CDHR3: variants seen among roughly 807,000 people sequenced by gnomAD.
CDHR3 encodes cadherin related family member 3.
A neutral mutation model predicts 86.6 loss-of-function variants in CDHR3; 79 were observed. The ratio of observed to expected loss-of-function variants is 0.91; its 90% confidence interval spans 0.76 to 1.10. CDHR3 has a LOEUF of 1.10. CDHR3 is among the 50% of genes least tolerant of loss of function. The pLI is 0.00. For missense variants in CDHR3, 1,081 were observed against 1,077.6 expected, an observed-to-expected ratio of 1.00 and a Z score of -0.04; for synonymous variants, 421 against 402.4, an observed-to-expected ratio of 1.05 and a Z score of -0.55.
Position 106,030,732 on chromosome 7 carries a change from GC to G in CDHR3, c.2305-59del. ...GGAACTTGGGTTGTGAGGATGTGTA[GC>G]TTTGCCTGGGGGAAGGAATGTAGGA... On this transcript the variant is annotated intron_variant, in intron 17 of 18. Coordinates refer to ENST00000317716, the MANE Select transcript of CDHR3 (RefSeq NM_152750.5). This position sits in a 1 kb window ranked among gnomAD's most constrained non-coding sequence, Gnocchi z 4.8. 3 of 1,536,612 alleles carry G rather than the reference GC, an allele frequency of 2.0e-6. No homozygotes were observed. The South Asian group carries it at 3.5e-5, about 18-fold the overall frequency.
rs946565663 is a variant in CDHR3 at position 106,034,674 on chromosome 7, G to A, written c.*1977G>A. Among the ~76,000 whole-genome samples the A allele has an allele frequency of 2.6e-5, 4 of 152,214 alleles. No individual in the cohort carries two copies. Among genetic ancestry groups the A allele is most frequent in the Non-Finnish European group, 5.9e-5 (4 of 68,038 alleles). ...CCCATTTAAGGCATTGCAAATCTGT[G>A]GGGCCCGGAGTCAAATGCTTTCCTT... On this transcript the variant is annotated 3_prime_UTR_variant, in exon 19 of 19. Coordinates refer to ENST00000317716, the MANE Select transcript of CDHR3 (RefSeq NM_152750.5).
At chr7:105,973,939 A>G (rs1255432209) in intron 1 of CDHR3, among the ~76,000 whole-genome samples, 1 of 152,184 alleles carries the variant, frequency 6.6e-6, no homozygotes, top group African/African-American at 2.4e-5. Flanking sequence ...CCTGGGTGAC[A>G]GAGTAAGACT....
chr7:105,992,684 A>C (rs1831542635), intron 4 of CDHR3, among the ~76,000 whole-genome samples: 1 of 152,244 alleles, frequency 6.6e-6, no homozygotes, highest in African/African-American at 2.4e-5. Flanking sequence ...ATAAGACTTA[A>C]GAATAGGGGT....
At chr7:105,985,640 TAGA>T (rs1830414141) in intron 4 of CDHR3, among the ~76,000 whole-genome samples, 1 of 152,156 alleles carries the variant, frequency 6.6e-6, no homozygotes, top group Non-Finnish European at 1.5e-5. Context: ...CTGTTTTTAT[TAGA>T]AGATGATCCT....
intron 4 of CDHR3, among the ~76,000 whole-genome samples, chr7:105,992,445 C>T (rs1006112980): frequency 6.6e-6 from 1 of 152,154 alleles, no homozygotes; most frequent in East Asian, 1.9e-4. Flanking sequence ...GCTGTCAGGC[C>T]GTGAGCTGGA....
chr7:105,991,727 C>T (rs938151877), intron 4 of CDHR3, among the ~76,000 whole-genome samples: 10 of 152,142 alleles, frequency 6.6e-5, no homozygotes, highest in South Asian at 4.1e-4. Context: ...TATTTAACAT[C>T]GAACAAATAT....
At chr7:106,016,304 C>A (rs781516800) in intron 11 of CDHR3, among the ~76,000 whole-genome samples, 6 of 152,348 alleles carry the variant, frequency 3.9e-5, no homozygotes, top group Non-Finnish European at 8.8e-5. Flanking sequence ...TTCCGCTAAT[C>A]CTCCCTTTTC....
At chr7:106,019,447 A>G (rs1046251660) in intron 12 of CDHR3, among the ~76,000 whole-genome samples, 2 of 152,056 alleles carry the variant, frequency 1.3e-5, no homozygotes, top group Non-Finnish European at 2.9e-5. Context: ...ACTAGAGTGA[A>G]CATTTCAATT....
At chr7:105,990,107 T>C (rs981153404) in intron 4 of CDHR3, among the ~76,000 whole-genome samples, 3 of 152,214 alleles carry the variant, frequency 2.0e-5, no homozygotes, top group Non-Finnish European at 4.4e-5. Context: ...ATGGGGATCA[T>C]TGTTATTAAG....
In CDHR3 at chr7:106,032,781, G is replaced by T; in HGVS notation, c.*84G>T. 1 of 1,404,656 alleles carries T rather than the reference G, an allele frequency of 7.1e-7. No individual in the cohort carries two copies. The highest frequency in any genetic ancestry group is 1.4e-5 in the African/African-American group (1 of 69,476). The allele number at this position is 1,404,656 out of a possible 1,614,324, so 87.0% of individuals were successfully genotyped here. Reference sequence around the variant, plus strand: ...GGGGATGGTGTGGGCATGGTGTAGGGGGGAAAATGTGGGCTGAGGGGATTC... The same window carrying T: ...GGGGATGGTGTGGGCATGGTGTAGGTGGGAAAATGTGGGCTGAGGGGATTC... On this transcript the variant is annotated 3_prime_UTR_variant, in exon 19 of 19. Coordinates refer to ENST00000317716, the MANE Select transcript of CDHR3 (RefSeq NM_152750.5).
chr7:106,009,059 C>T (rs1348732659), intron 8 of CDHR3, among the ~76,000 whole-genome samples: 1 of 152,206 alleles, frequency 6.6e-6, no homozygotes, highest in Non-Finnish European at 1.5e-5. Flanking sequence ...ATATCCTAGA[C>T]TGTCCAGGCA....
At position 105,965,749 on chromosome 7, in the gene CDHR3, A is replaced by G. The variant is rs77851057; in HGVS notation, c.46+2385A>G. Among the ~76,000 whole-genome samples, 480 of 152,290 alleles carry G rather than the reference A, an allele frequency of 3.2e-3. 21 individuals are homozygous for G. The highest frequency in any genetic ancestry group is 0.026 in the Admixed American group (400 of 15,296). On this transcript the variant is annotated intron_variant, in intron 1 of 18. Coordinates refer to ENST00000317716, the MANE Select transcript of CDHR3 (RefSeq NM_152750.5). The stretch of plus-strand genomic sequence containing the variant: ...TATCATACTGTAATTCATCTGTTAT[A>G]TGGCCATTTCTGCCTCCTCAACTAG...
chr7:106,002,280 G>T (rs1005417154), intron 7 of CDHR3, among the ~76,000 whole-genome samples: 7 of 152,192 alleles, frequency 4.6e-5, no homozygotes, highest in Non-Finnish European at 1.0e-4. Context: ...TTAAGTTTAT[G>T]TCACACCAGA....
chr7:106,002,419 G>C (rs1196538283), intron 7 of CDHR3, among the ~76,000 whole-genome samples: 1 of 152,204 alleles, frequency 6.6e-6, no homozygotes, highest in Non-Finnish European at 1.5e-5. Context: ...GGAGAATTTA[G>C]CAAGGTCCGT....
At chr7:105,974,046 T>C (rs1457800146) in intron 1 of CDHR3, among the ~76,000 whole-genome samples, 1 of 152,192 alleles carries the variant, frequency 6.6e-6, no homozygotes, top group Non-Finnish European at 1.5e-5. Context: ...TAATTATCAT[T>C]ATGGAAGGCT....
intron 14 of CDHR3, among the ~76,000 whole-genome samples, chr7:106,024,154 G>A (rs1837004564): frequency 6.6e-6 from 1 of 152,124 alleles, no homozygotes; most frequent in African/African-American, 2.4e-5. Context: ...AAGGCCTAGA[G>A]TTGTTTTTCA....
At chr7:106,025,115 A>G (rs1445992144) in intron 15 of CDHR3, among the ~76,000 whole-genome samples, 3 of 152,162 alleles carry the variant, frequency 2.0e-5, no homozygotes, top group Middle Eastern at 3.2e-3. Flanking sequence ...TCAGCTGCCC[A>G]CTAATATGCC....
At chr7:106,017,564 G>GACAC (rs539661927) in intron 11 of CDHR3, among the ~76,000 whole-genome samples, 15,641 of 130,524 alleles carry the variant, frequency 0.12, 976 homozygotes, top group East Asian at 0.3. Context: ...GTCACACACA[G>GACAC]ACACACACAC....
At chr7:106,026,486 C>T (rs994840392) in intron 15 of CDHR3, among the ~76,000 whole-genome samples, 196 bp from the exon 16 acceptor site, 1 of 152,132 alleles carries the variant, frequency 6.6e-6, no homozygotes, top group Admixed American at 6.5e-5. Context: ...AGTCCAAAGC[C>T]AATAGTGATG....
Sources: gnomAD v4.1 joint callset for allele counts (sites outside exome capture counted in the v4.1 genomes callset) on GRCh38, gnomAD v4.1.1 for gene constraint, Gnocchi (gnomAD v3.1) non-coding constraint, MANE v1.5 for transcripts, NCBI Gene and HGNC (gene_info 2026-07-23, HGNC 2026-07-21) for gene names.